The following FBXO4 variants were observed in gnomAD, a reference collection of about 807,000 sequenced individuals.
FBXO4 encodes the protein F-box protein 4, also known as F-box only protein 4.
A neutral mutation model predicts 43.7 loss-of-function variants in FBXO4; 36 were observed. The observed-to-expected ratio is 0.82, with a 90% CI of 0.63 to 1.09. The LOEUF (loss-of-function observed/expected upper bound fraction) is 1.09. FBXO4 is among the 50% of genes least tolerant of loss of function. The probability of loss-of-function intolerance (pLI) is 0.00; values close to 1 mark genes in which losing one functional copy is unlikely to be tolerated. For synonymous variants in FBXO4, 180 were observed against 165.6 expected (o/e 1.09, Z -0.67); for missense variants, 435 against 474.1 (o/e 0.92, Z 0.77).
chr5:42,019,982 T>A, the FBXO4 span, among the ~76,000 whole-genome samples: 2 of 152,134 alleles, frequency 1.3e-5, no homozygotes, highest in African/African-American at 4.8e-5. Context: ...GCTGATTTTT[T>A]AATTTGTAAA....
chr5:41,970,343 CA>C, the FBXO4 span, among the ~76,000 whole-genome samples: 1 of 151,978 alleles, frequency 6.6e-6, no homozygotes, highest in African/African-American at 2.4e-5. Flanking sequence ...ATATTCCCAT[CA>C]GGGGTGTATG....
chr5:42,024,559 C>A, the FBXO4 span, among the ~76,000 whole-genome samples: 4 of 152,120 alleles, frequency 2.6e-5, no homozygotes, highest in Middle Eastern at 3.4e-3. Flanking sequence ...GTGTTACAAA[C>A]AATCCCGTTA....
the FBXO4 span, among the ~76,000 whole-genome samples, chr5:42,003,334 A>G: frequency 6.6e-6 from 1 of 152,176 alleles, no homozygotes; most frequent in Non-Finnish European, 1.5e-5. Context: ...AAGACTTACC[A>G]TGGAATTTTT....
At chr5:41,953,413 T>C in the FBXO4 span, among the ~76,000 whole-genome samples, 2 of 152,268 alleles carry the variant, frequency 1.3e-5, no homozygotes, top group South Asian at 4.2e-4. Context: ...ACATTTGGGT[T>C]GGTTCCAAGT....
chr5:41,951,156 A>G, the FBXO4 span, among the ~76,000 whole-genome samples: 2 of 152,224 alleles, frequency 1.3e-5, no homozygotes, highest in African/African-American at 4.8e-5. Context: ...GCAAGTGTAT[A>G]CCTATGTAAG....
At chr5:41,951,872 A>T in the FBXO4 span, 1 of 235,148 alleles carries the variant, frequency 4.3e-6, no homozygotes, top group Non-Finnish European at 8.4e-6. Context: ...TGGTTAATGA[A>T]GTTTCCAGGA....
At chr5:41,977,028 C>T in the FBXO4 span, among the ~76,000 whole-genome samples, 2 of 152,228 alleles carry the variant, frequency 1.3e-5, no homozygotes, top group South Asian at 4.1e-4. Context: ...TCAAGCTGTA[C>T]CTGGGTCCTG....
At chr5:41,981,734 T>G in the FBXO4 span, among the ~76,000 whole-genome samples, 2,541 of 151,640 alleles carry the variant, frequency 0.017, 36 homozygotes, top group Non-Finnish European at 0.027. Flanking sequence ...TGGTTTTTTT[T>G]TTTTGCTTTT....
chr5:41,960,566 G>A, the FBXO4 span, among the ~76,000 whole-genome samples: 4 of 152,196 alleles, frequency 2.6e-5, no homozygotes, highest in African/African-American at 9.6e-5. Flanking sequence ...ATGAAAGGAT[G>A]TTGAATTTTG....
the FBXO4 span, among the ~76,000 whole-genome samples, chr5:42,003,164 A>C: frequency 1.3e-5 from 2 of 152,228 alleles, no homozygotes; most frequent in Non-Finnish European, 2.9e-5. Flanking sequence ...GAACTAAGTA[A>C]CTTTAAGCAA....
chr5:41,973,148 G>A, the FBXO4 span, among the ~76,000 whole-genome samples: 1 of 151,978 alleles, frequency 6.6e-6, no homozygotes, highest in African/African-American at 2.4e-5. Context: ...CTACAAAGTG[G>A]GAAAAAATAT....
chr5:41,997,637 A>T, the FBXO4 span, among the ~76,000 whole-genome samples: 1 of 152,144 alleles, frequency 6.6e-6, no homozygotes. Flanking sequence ...AACTTCATTA[A>T]TTACCTGACC....
chr5:41,983,093 C>T, the FBXO4 span, among the ~76,000 whole-genome samples: 1 of 152,170 alleles, frequency 6.6e-6, no homozygotes, highest in Non-Finnish European at 1.5e-5. Context: ...GTATATGTGC[C>T]TAATTTTCTT....
the FBXO4 span, among the ~76,000 whole-genome samples, chr5:41,949,913 T>C: frequency 2.6e-5 from 4 of 152,168 alleles, no homozygotes; most frequent in South Asian, 4.1e-4. Context: ...TAATGCCACA[T>C]ATCTACAACC....
At chr5:41,991,921 A>T in the FBXO4 span, among the ~76,000 whole-genome samples, 1 of 152,192 alleles carries the variant, frequency 6.6e-6, no homozygotes, top group African/African-American at 2.4e-5. Context: ...TCTACTAAAA[A>T]TACAAAATTA....
the FBXO4 span, chr5:41,967,722 G>T: frequency 1.6e-6 from 1 of 623,486 alleles, no homozygotes; most frequent in East Asian, 3.7e-5. Context: ...TTACATGAAA[G>T]CCATCAACAT....
the FBXO4 span, chr5:41,967,602 C>A: frequency 9.2e-7 from 1 of 1,083,882 alleles, no homozygotes; most frequent in Non-Finnish European, 1.4e-6. Flanking sequence ...CCAGCCACAA[C>A]CACATTCTTC....
the FBXO4 span, among the ~76,000 whole-genome samples, chr5:42,005,169 A>G: frequency 3.9e-5 from 6 of 152,210 alleles, no homozygotes; most frequent in Non-Finnish European, 8.8e-5. Flanking sequence ...ATACAGCCGG[A>G]GAACCTGAGG....
the FBXO4 span, among the ~76,000 whole-genome samples, chr5:41,965,786 A>T: frequency 6.6e-6 from 1 of 152,228 alleles, no homozygotes; most frequent in African/African-American, 2.4e-5. Flanking sequence ...AGAATTAGAA[A>T]TACCATTACT....
Sources: gnomAD v4.1 joint callset for allele counts (sites outside exome capture counted in the v4.1 genomes callset) on GRCh38, gnomAD v4.1.1 for gene constraint, MANE v1.5 for transcripts, NCBI Gene and HGNC (gene_info 2026-07-23, HGNC 2026-07-21) for gene names.